The following LRATD1 variants were observed in gnomAD, a reference collection of about 807,000 sequenced individuals.
LRATD1 encodes LRAT domain containing 1.
LRATD1 carries 8 observed loss-of-function variants against 21.3 expected under a neutral mutation model. The ratio of observed to expected loss-of-function variants is 0.38; its 90% CI spans 0.22 to 0.68. LRATD1 has a LOEUF of 0.68. Among genes scored for constraint, LRATD1 ranks in the 30% least tolerant of loss-of-function variants. The pLI is 0.54. For missense variants in LRATD1, 380 were observed against 404.0 expected (o/e 0.94, Z 0.51); for synonymous variants, 210 against 186.2 (o/e 1.13, Z -1.04).
At position 14,635,775 on chromosome 2, in the gene LRATD1, T is replaced by C. The variant is rs867699028; in HGVS notation, c.*917T>C. On this transcript the variant is annotated 3_prime_UTR_variant, in exon 2 of 2. Transcript: ENST00000295092. ...CCCTCCTCGGGCTGCATTTCAAAAA[T>C]AGTCATATTTTTAAAGGAGTTGGAG... 13 of 379,508 alleles carry C rather than the reference T, an allele frequency of 3.4e-5. No individual in the cohort carries two copies. The highest frequency in any genetic ancestry group is 1.8e-3 in the Middle Eastern group (2 of 1,120). The allele number at this position is 379,508 out of a possible 1,614,324, so 23.5% of individuals were successfully genotyped here.
downstream of LRATD1, chr2:14,650,013 C>T (rs1671976653): frequency 6.6e-6 from 1 of 152,646 alleles, no homozygotes; most frequent in Non-Finnish European, 1.5e-5. Flanking sequence ...CTGCTGGCAC[C>T]TTGATCTTGG....
At chr2:14,645,215 TCTAATAA>T (rs1428693013) in intron 2 of LRATD1, among the ~76,000 whole-genome samples, 1 of 152,208 alleles carries the variant, frequency 6.6e-6, no homozygotes, top group African/African-American at 2.4e-5. Context: ...TCTAAATGCC[TCTAATAA>T]CTACAGTAAA....
Position 14,634,378 on chromosome 2 carries a change from C to T in LRATD1, c.399C>T (p.Pro133=), listed in dbSNP as rs1277374539. The change falls in exon 2 of 2, where the codon CCC becomes CCT. Residue 133 remains proline (P), a synonymous_variant. Transcript: ENST00000295092. Reference sequence around the variant, plus strand: ...TGCTGGAGCTGCTGTGGCTGCAGCCCGCGCCGGAGCCGCCCGCGCCCGCCC... The same window carrying T: ...TGCTGGAGCTGCTGTGGCTGCAGCCTGCGCCGGAGCCGCCCGCGCCCGCCC... ...GDLLELLWLQ[P]APEPPAPAPH... is the part of the protein sequence containing the mutation. 2.6e-6 allele frequency: 4 copies of T among 1,553,522 alleles called. No individual in the cohort carries two copies. Among genetic ancestry groups the T allele is most frequent in the Middle Eastern group, 1.7e-4 (1 of 5,834 alleles).
rs1248195878 is a variant in LRATD1 at position 14,633,833 on chromosome 2, G to C, written c.-36-111G>C. ...CGGCTGGAAAGGGTGACTCCGGTGA[G>C]GGCACGTAAGCTAGCCGGCAGGTCC... On this transcript the variant is annotated intron_variant, in intron 1 of 1. Transcript: ENST00000295092. This position sits in a 1 kb window ranked among gnomAD's most constrained non-coding sequence, Gnocchi z 7.5. The C allele has an allele frequency of 9.2e-7, 1 of 1,086,022 alleles. No homozygotes were observed. Among genetic ancestry groups the C allele is most frequent in the African/African-American group, 1.6e-5 (1 of 62,760 alleles). The allele number at this position is 1,086,022 out of a possible 1,614,324, so 67.3% of individuals were successfully genotyped here.
downstream of LRATD1, among the ~76,000 whole-genome samples, chr2:14,645,037 G>A (rs1479731810): frequency 6.6e-6 from 1 of 152,114 alleles, no homozygotes; most frequent in Non-Finnish European, 1.5e-5. Flanking sequence ...AATTTAAAAT[G>A]GCCTTCTGAA....
chr2:14,634,722 A>C lies in LRATD1; in HGVS notation c.743A>C (p.His248Pro). Residue 248 changes from histidine to proline, a missense_variant, in exon 2 of 2, where the codon CAC becomes CCC. His to Pro is a moderately conservative substitution (Grantham distance 77). Coordinates refer to ENST00000295092, the MANE Select transcript of LRATD1 (RefSeq NM_145175.4). ...CAGCAGCAGTACTATCTCAAGGTGC[A>C]CCTGGGAGAGAACAAGGTCCACACC... ...PPQQQYYLKV[H>P]LGENKVHTAR... The C allele has an allele frequency of 6.4e-7, 1 of 1,558,680 alleles. No homozygotes were observed. The highest frequency in any genetic ancestry group is 8.7e-7 in the Non-Finnish European group (1 of 1,148,774).
At chr2:14,649,100 C>G (rs192707742) in intron 4 of LRATD1, among the ~76,000 whole-genome samples, 9 of 152,112 alleles carry the variant, frequency 5.9e-5, no homozygotes, top group Non-Finnish European at 1.0e-4. Flanking sequence ...GGACTTGCCT[C>G]TCTCCCAGTG....
Position 14,634,853 on chromosome 2 carries a change from G to T in LRATD1, c.874G>T (p.Glu292Ter), listed in dbSNP as rs768483128. ...QELADLVDDKE is the reference protein window; with the variant it reads ...QELADLVDDK Reference sequence around the variant, plus strand: ...GCTCGCCGACCTCGTGGACGACAAGGAGTAGCCGCCTAGGGGCTGCCGGCC... The same window carrying T: ...GCTCGCCGACCTCGTGGACGACAAGTAGTAGCCGCCTAGGGGCTGCCGGCC... The change falls in exon 2 of 2, where the codon GAG becomes TAG. Residue 292 changes from glutamate to a stop codon, truncating the protein, a stop_gained. Transcript: ENST00000295092. LOFTEE classifies it high-confidence loss of function. The T allele has an allele frequency of 9.3e-6, 15 of 1,609,062 alleles. No individual in the cohort carries two copies. The highest frequency in any genetic ancestry group is 1.3e-5 in the African/African-American group (1 of 74,788).
At position 14,634,505 on chromosome 2, in the gene LRATD1, C is replaced by G. The variant is rs1210699469; in HGVS notation, c.526C>G (p.Arg176Gly). 5.3e-6 allele frequency: 8 copies of G among 1,506,624 alleles called. No individual in the cohort carries two copies. Among genetic ancestry groups the G allele is most frequent in the Non-Finnish European group, 7.1e-6 (8 of 1,129,264 alleles). The allele number at this position is 1,506,624 out of a possible 1,614,324, so 93.3% of individuals were successfully genotyped here. The change falls in exon 2 of 2, where the codon CGG becomes GGG. Residue 176 changes from arginine to glycine, a missense_variant. By Grantham distance (125) the Arg-to-Gly change is moderately radical. Coordinates refer to ENST00000295092, the MANE Select transcript of LRATD1 (RefSeq NM_145175.4). Reference sequence around the variant, plus strand: ...TGAGGCGGGCGCGGCCAACGTGGGCCGGGTGGTGAATAGCTGGTACCGCTA... The same window carrying G: ...TGAGGCGGGCGCGGCCAACGTGGGCGGGGTGGTGAATAGCTGGTACCGCTA... ...LYEAGAANVGRVVNSWYRYRP... is the reference protein window; with the variant it reads ...LYEAGAANVGGVVNSWYRYRP...
chr2:14,635,618 CG>C lies in LRATD1; in HGVS notation c.*763del. 1 of 470,990 alleles carries C rather than the reference CG, an allele frequency of 2.1e-6. No individual in the cohort carries two copies. 29.2% of individuals were successfully genotyped at this position (470,990 alleles called of 1,614,324 possible). ...GGCAGAAGGGAAGCCGGCCCGGTCC[CG>C]GGAGGAAGATGGCGCTGCGAATTCG... On this transcript the variant is annotated 3_prime_UTR_variant, in exon 2 of 2. Transcript: ENST00000295092.
rs779964263 is a variant in LRATD1, at chr2:14,634,390, G to A, written c.411G>A (p.Pro137=). ...ELLWLQPAPE[P]PAPAPHWAVY... is the part of the protein sequence containing the mutation. ...TGTGGCTGCAGCCCGCGCCGGAGCC[G>A]CCCGCGCCCGCCCCGCACTGGGCCG... The change falls in exon 2 of 2, where the codon CCG becomes CCA. Residue 137 remains proline, a synonymous_variant. Transcript: ENST00000295092. 3.9e-6 allele frequency: 6 copies of A among 1,537,430 alleles called. No homozygotes were observed. Among genetic ancestry groups the A allele is most frequent in the South Asian group, 3.7e-5 (3 of 80,778 alleles).
Position 14,637,181 on chromosome 2 carries a change from T to C in LRATD1, c.*2323T>C, listed in dbSNP as rs1241688425. ...CACATTCTTTACTGTGTCCTACTACTGTATCTTGGCTCCCTGCTGTATTAA... is the reference window on the plus strand; with the variant it reads ...CACATTCTTTACTGTGTCCTACTACCGTATCTTGGCTCCCTGCTGTATTAA... On this transcript the variant is annotated 3_prime_UTR_variant, in exon 2 of 2. Coordinates refer to ENST00000295092, the MANE Select transcript of LRATD1 (RefSeq NM_145175.4). 1 of 167,108 alleles carries C rather than the reference T, an allele frequency of 6.0e-6. No individual in the cohort carries two copies. The highest frequency in any genetic ancestry group is 2.4e-5 in the African/African-American group (1 of 41,470). 10.4% of individuals were successfully genotyped at this position (167,108 alleles called of 1,614,324 possible).
At chr2:14,643,651 T>G (rs1558257295), downstream of LRATD1, among the ~76,000 whole-genome samples, 1 of 152,224 alleles carries the variant, frequency 6.6e-6, no homozygotes, top group Non-Finnish European at 1.5e-5. Context: ...CTGGTGAGAA[T>G]GCTGTTCACT....
chr2:14,634,170 G>C lies in LRATD1; in HGVS notation c.191G>C (p.Cys64Ser). ...AAGGCCCCCCCGGGTTGCACCCCCT[G>C]CCCGGAGAGCCCCAGCCGCCACCAC... ...GVKAPPGCTP[C>S]PESPSRHHHH... Residue 64 changes from cysteine to serine, a missense_variant, in exon 2 of 2, where the codon TGC (cysteine) becomes TCC (serine). By Grantham distance (112) the Cys-to-Ser change is moderately radical. Coordinates refer to ENST00000295092, the MANE Select transcript of LRATD1 (RefSeq NM_145175.4). The C allele has an allele frequency of 6.2e-7, 1 of 1,613,322 alleles. No individual in the cohort carries two copies.
chr2:14,635,889 A>C lies in LRATD1; in HGVS notation c.*1031A>C, dbSNP rs1671678805. On this transcript the variant is annotated 3_prime_UTR_variant, in exon 2 of 2. Transcript: ENST00000295092. The stretch of plus-strand genomic sequence containing the variant: ...TATATTTAGTTTGGCTTTTCCTAAC[A>C]TAGAAATCTTCAAAGCTGGGGAAGT... 3.2e-6 allele frequency: 1 copy of C among 313,874 alleles called. No individual in the cohort carries two copies. The highest frequency in any genetic ancestry group is 6.7e-6 in the Non-Finnish European group (1 of 149,674). The allele number at this position is 313,874 out of a possible 1,614,324, so 19.4% of individuals were successfully genotyped here. A position where few individuals can be genotyped will look rare whatever the true frequency, so the allele number is the denominator to read the frequency against.
At chr2:14,649,580 C>A in exon 6 of LRATD1, 1 of 333,444 alleles carries the variant, frequency 3.0e-6, no homozygotes, top group Non-Finnish European at 6.0e-6. Flanking sequence ...CTGCAGTTGG[C>A]CAGCCTCTTG....
downstream of LRATD1, among the ~76,000 whole-genome samples, chr2:14,651,248 T>G (rs926292733): frequency 1.3e-5 from 2 of 152,150 alleles, no homozygotes; most frequent in Non-Finnish European, 2.9e-5. Flanking sequence ...ATTTACATCA[T>G]AGATCCGTCT....
chr2:14,640,162 G>A (rs761329966), downstream of LRATD1: 1 of 165,034 alleles, frequency 6.1e-6, no homozygotes, highest in Non-Finnish European at 1.5e-5. Flanking sequence ...TTTCTCGCAT[G>A]AAATCACAAG....
chr2:14,640,950 C>A (rs1474917772), downstream of LRATD1, among the ~76,000 whole-genome samples: 1 of 152,100 alleles, frequency 6.6e-6, no homozygotes, highest in Non-Finnish European at 1.5e-5. Context: ...ATACAGGATG[C>A]TCAGTTACAT....
Sources: allele counts gnomAD v4.1 joint callset (sites outside exome capture counted in the v4.1 genomes callset), GRCh38; gene constraint gnomAD v4.1.1; non-coding constraint Gnocchi (gnomAD v3.1); transcripts MANE v1.5; gene names NCBI Gene and HGNC (gene_info 2026-07-23, HGNC 2026-07-21).